TRRAP: variants seen among roughly 807,000 people sequenced by gnomAD.
TRRAP encodes transformation/transcription domain associated protein, also known as transformation/transcription domain-associated protein.
Under a neutral mutation model 438.8 loss-of-function variants are expected in TRRAP, and 41 were observed. That is an observed-to-expected ratio of 0.09 (90% CI 0.07 to 0.12). TRRAP has a LOEUF of 0.12. TRRAP is among the 10% of genes least tolerant of loss of function. The pLI is 1.00. For synonymous variants in TRRAP, 1,994 were observed against 1,962.9 expected, an observed-to-expected ratio of 1.02 and a Z score of -0.42; for missense variants, 3,122 against 5,055.1, an observed-to-expected ratio of 0.62 and a Z score of 11.60.
intron 23 of TRRAP, among the ~76,000 whole-genome samples, chr7:98,928,232 G>C (rs192058139): frequency 6.6e-6 from 1 of 151,538 alleles, no homozygotes; most frequent in Non-Finnish European, 1.5e-5. Context: ...GCGAAACTCC[G>C]TCTCAAAAAG....
intron 20 of TRRAP, among the ~76,000 whole-genome samples, chr7:98,920,425 G>T (rs148589649): frequency 1.4e-4 from 21 of 150,986 alleles, no homozygotes; most frequent in African/African-American, 4.6e-4. Context: ...AGCCGAGATT[G>T]CACCACTGCA....
At chr7:98,999,461 T>C (rs1793820491) in intron 67 of TRRAP, 5 of 823,356 alleles carry the variant, frequency 6.1e-6, no homozygotes, top group Non-Finnish European at 1.1e-5. Flanking sequence ...TGAGCTATCC[T>C]TCTCGGCACT....
chr7:98,984,222 A>C lies in TRRAP; in HGVS notation c.9152A>C (p.Asn3051Thr). ...GKIARKQGLV[N>T]VALDILSRIH... is the part of the protein sequence containing the mutation. Reference sequence around the variant, plus strand: ...ATCGCCCGGAAACAAGGACTGGTCAATGTAGCTCTGGATATATTAAGTCGG... The same window carrying C: ...ATCGCCCGGAAACAAGGACTGGTCACTGTAGCTCTGGATATATTAAGTCGG... Residue 3051 changes from asparagine (N) to threonine (T), a missense_variant, in exon 61 of 73, where the codon AAT becomes ACT. Physicochemically the swap from Asn to Thr is moderately conservative, Grantham distance 65. Around this residue, in one of 24 missense-constraint regions of TRRAP, gnomAD observed 129 missense variants for 279.2 expected, o/e 0.46. Transcript: ENST00000456197. The C allele has an allele frequency of 6.2e-7, 1 of 1,614,218 alleles. No homozygotes were observed. Among genetic ancestry groups the C allele is most frequent in the Non-Finnish European group, 8.5e-7 (1 of 1,180,032 alleles).
intron 69 of TRRAP, among the ~76,000 whole-genome samples, chr7:99,007,901 A>G (rs1263270811): frequency 2.7e-5 from 4 of 150,568 alleles, no homozygotes; most frequent in African/African-American, 9.8e-5. Context: ...TCTCGGCTCA[A>G]GGCAACCTCT....
chr7:98,916,907 G>C (rs112434165), intron 19 of TRRAP, among the ~76,000 whole-genome samples: 14 of 152,028 alleles, frequency 9.2e-5, no homozygotes, highest in Admixed American at 5.2e-4. Flanking sequence ...CGTGCAGGAC[G>C]TGCCTTTTCT....
rs782779875 is a variant in TRRAP, at chr7:98,958,007, T to C, written c.6258T>C (p.Pro2086=). The change falls in exon 44 of 73, where the codon CCT becomes CCC. Residue 2086 remains proline (P), a synonymous_variant. Transcript: ENST00000456197. ...TCTTTGGGAGGAGCCAGTCGCTACC[T>C]GGAGCAGACTCTCTCCTCGCCAAGC... The part of the protein sequence containing the change: ...SAVFGRSQSL[P]GADSLLAKPI... 6.2e-7 allele frequency: 1 copy of C among 1,614,166 alleles called. No individual in the cohort carries two copies. Among genetic ancestry groups the C allele is most frequent in the African/African-American group, 1.3e-5 (1 of 75,050 alleles).
At chr7:98,924,195 G>C (rs1265423349) in intron 21 of TRRAP, among the ~76,000 whole-genome samples, 2 of 152,220 alleles carry the variant, frequency 1.3e-5, no homozygotes, top group Non-Finnish European at 2.9e-5. Flanking sequence ...AGCTCACTTA[G>C]TTCCTGTAAT....
chr7:98,962,556 G>C, intron 47 of TRRAP, 129 bp downstream of exon 47: 2 of 1,539,422 alleles, frequency 1.3e-6, no homozygotes, highest in East Asian at 2.3e-5. Flanking sequence ...CGTTGTTCAG[G>C]TGTCTGTTGC....
Position 98,903,966 on chromosome 7 carries a change from C to A in TRRAP, c.1036+449C>A, listed in dbSNP as rs115742494. Among the ~76,000 whole-genome samples, 929 of 152,160 alleles carry A rather than the reference C, an allele frequency of 6.1e-3. 10 individuals are homozygous for A. Among genetic ancestry groups the A allele is most frequent in the African/African-American group, 0.021 (865 of 41,518 alleles). On this transcript the variant is annotated intron_variant, in intron 12 of 72. Transcript: ENST00000456197. ...CAGAAATTACAGGCATCCACCACCA[C>A]GCCCGGTTAATTTTTTTATTTTTAG...
At position 98,956,310 on chromosome 7, in the gene TRRAP, G is replaced by T. The variant is rs534669209; in HGVS notation, c.6096+6G>T. The T allele has an allele frequency of 6.2e-7, 1 of 1,614,162 alleles. No homozygotes were observed. Among genetic ancestry groups the T allele is most frequent in the African/African-American group, 1.3e-5 (1 of 75,066 alleles). On this transcript the variant is annotated splice_donor_region_variant and intron_variant, in intron 42 of 72. Transcript: ENST00000456197. The surrounding 1 kb of genome is among the most constrained non-coding windows in gnomAD (Gnocchi z 4.5). The stretch of plus-strand genomic sequence containing the variant: ...AGAGGATCAAGGACCAGCAGGTAGG[G>T]GTGTCAGCCTCAGGGGTGCCCCGAT...
At chr7:98,894,442 C>T (rs1554405415) in intron 6 of TRRAP, among the ~76,000 whole-genome samples, 1 of 151,776 alleles carries the variant, frequency 6.6e-6, no homozygotes, top group African/African-American at 2.4e-5. Context: ...AAATAAGTGC[C>T]TGTTATAGAT....
At position 98,930,706 on chromosome 7, in the gene TRRAP, C is replaced by G; in HGVS notation, c.3467C>G (p.Ala1156Gly). The G allele has an allele frequency of 1.2e-6, 2 of 1,614,230 alleles. No homozygotes were observed. Among genetic ancestry groups the G allele is most frequent in the Non-Finnish European group, 1.7e-6 (2 of 1,180,050 alleles). The change falls in exon 25 of 73, where the codon GCA becomes GGA. Residue 1156 changes from alanine (A) to glycine (G), a missense_variant. By Grantham distance (60) the Ala-to-Gly change is moderately conservative. Coordinates refer to ENST00000456197, the MANE Select transcript of TRRAP (RefSeq NM_001375524.1). ...CACCYEQAWY[A>G]KLGGVVSIKF... ...TGTTGTTATGAACAGGCGTGGTATG[C>G]AAAGCTGGGGGGTGTGGTGTCTATT...
chr7:98,959,950 A>AG (rs1291929508), intron 45 of TRRAP, among the ~76,000 whole-genome samples: 1 of 149,798 alleles, frequency 6.7e-6, no homozygotes, highest in Non-Finnish European at 1.5e-5. Flanking sequence ...AAAAAAAAAA[A>AG]AAAAGAAAAA....
At chr7:98,922,436 C>T (rs1012016708) in intron 21 of TRRAP, among the ~76,000 whole-genome samples, 4 of 152,276 alleles carry the variant, frequency 2.6e-5, no homozygotes, top group Admixed American at 1.3e-4. Flanking sequence ...ACAGTGCCCC[C>T]GCACCCTGCT....
intron 7 of TRRAP, 36 bp downstream of exon 7, chr7:98,895,856 G>A (rs1554405659): frequency 1.3e-6 from 2 of 1,520,242 alleles, no homozygotes; most frequent in Non-Finnish European, 1.8e-6. Flanking sequence ...AGTTACATTT[G>A]TTTATACTTC....
At chr7:98,990,713 A>C in intron 64 of TRRAP, 94 bp downstream of exon 64, 5 of 1,389,414 alleles carry the variant, frequency 3.6e-6, no homozygotes, top group Non-Finnish European at 4.8e-6. Flanking sequence ...TTGAGTGTTC[A>C]AAGTATTAAA....
chr7:98,891,137 A>G (rs73147866), intron 4 of TRRAP, among the ~76,000 whole-genome samples: 5,837 of 147,382 alleles, frequency 0.04, 132 homozygotes, highest in South Asian at 0.055. Context: ...TGTTTTATCG[A>G]CACGCCCCCA....
At chr7:99,004,502 G>A in intron 68 of TRRAP, 87 bp downstream of exon 68, 1 of 1,170,754 alleles carries the variant, frequency 8.5e-7, no homozygotes, top group Non-Finnish European at 1.2e-6. Flanking sequence ...GACCCTGTGG[G>A]GAATTTTGGA....
chr7:98,984,909 C>G, intron 61 of TRRAP, 35 bp from the exon 62 acceptor site: 2 of 1,442,754 alleles, frequency 1.4e-6, no homozygotes, highest in Non-Finnish European at 1.9e-6. Flanking sequence ...TTAGAAATTT[C>G]AAGAACTTTT....
Sources: allele counts gnomAD v4.1 joint callset (sites outside exome capture counted in the v4.1 genomes callset), GRCh38; gene constraint gnomAD v4.1.1; regional missense constraint gnomAD v4.1.1; non-coding constraint Gnocchi (gnomAD v3.1); transcripts MANE v1.5; gene names NCBI Gene and HGNC (gene_info 2026-07-23, HGNC 2026-07-21).